Variants in EGFL7 observed in about 807,000 individuals in gnomAD.
EGFL7 encodes the protein EGF like domain multiple 7, also known as epidermal growth factor-like protein 7.
EGFL7 carries 48 observed loss-of-function variants against 37.1 expected under a neutral mutation model. The observed-to-expected ratio is 1.29, with a 90% confidence interval of 1.03 to 1.65. EGFL7 has a LOEUF of 1.65. Ranked by LOEUF, EGFL7 falls within the 40% of genes most tolerant of loss-of-function variation. The pLI, the probability that EGFL7 is intolerant of heterozygous loss-of-function variation, is 0.00. For synonymous variants in EGFL7, 180 were observed against 156.8 expected (o/e 1.15, Z -1.10); for missense variants, 384 against 378.9 (o/e 1.01, Z -0.11).
chr9:136,669,028 A>G (rs1249147586), intron 5 of EGFL7, among the ~76,000 whole-genome samples: 1 of 152,022 alleles, frequency 6.6e-6, no homozygotes, highest in African/African-American at 2.4e-5. Context: ...ATATACACAG[A>G]ATGGTGCCTG....
intron 3 of EGFL7, among the ~76,000 whole-genome samples, chr9:136,665,570 C>G (rs1485333987): frequency 6.6e-6 from 1 of 152,100 alleles, no homozygotes; most frequent in African/African-American, 2.4e-5. Context: ...CCAGGATTCC[C>G]GGAGGGGGTG....
At chr9:136,670,034 G>A (rs1554752409) in intron 7 of EGFL7, 25 bp downstream of exon 7, 21 of 1,586,008 alleles carry the variant, frequency 1.3e-5, no homozygotes, top group East Asian at 2.2e-5. Context: ...ACCCTGGGGG[G>A]CCCTGGAAGG....
chr9:136,672,403 C>G lies in EGFL7; in HGVS notation c.*117C>G, dbSNP rs1274822005. ...CGGGGTGACTGAGCGGAAGGCCAGG[C>G]AGGGCCTTCCTCCTCTTCCTCCTCC... On this transcript the variant is annotated 3_prime_UTR_variant, in exon 11 of 11. Transcript: ENST00000308874. The G allele has an allele frequency of 6.3e-6, 8 of 1,277,542 alleles. No individual in the cohort carries two copies. The African/African-American group carries it at 8.8e-5, about 14-fold the overall frequency. 79.1% of individuals were successfully genotyped at this position (1,277,542 alleles called of 1,614,324 possible). A position where few individuals can be genotyped will look rare whatever the true frequency, so the allele number is the denominator to read the frequency against.
At chr9:136,664,446 C>T (rs1420813214) in intron 2 of EGFL7, among the ~76,000 whole-genome samples, 1 of 152,094 alleles carries the variant, frequency 6.6e-6, no homozygotes, top group African/African-American at 2.4e-5. Context: ...CATCCCCATG[C>T]CAGGGAGTCC....
intron 3 of EGFL7, among the ~76,000 whole-genome samples, chr9:136,665,513 G>T (rs1333663311): frequency 2.6e-5 from 4 of 152,302 alleles, no homozygotes; most frequent in Non-Finnish European, 4.4e-5. Context: ...TTGGTCGTGC[G>T]TCCCCAGCGA....
At chr9:136,661,293 C>T (rs1350083931), upstream of EGFL7, among the ~76,000 whole-genome samples, 3 of 152,128 alleles carry the variant, frequency 2.0e-5, no homozygotes, top group African/African-American at 7.2e-5. Flanking sequence ...CTGCAACCCC[C>T]TCCTGACAGC....
chr9:136,672,670 G>A lies in EGFL7; in HGVS notation c.*384G>A, dbSNP rs2119170416. 1 of 315,678 alleles carries A rather than the reference G, an allele frequency of 3.2e-6. No homozygotes were observed. The highest frequency in any genetic ancestry group is 5.8e-5 in the East Asian group (1 of 17,384). The allele number at this position is 315,678 out of a possible 1,614,324, so 19.6% of individuals were successfully genotyped here. Reference sequence around the variant, plus strand: ...GCCTGACCCCCAGCACAATAAAAATGAAACGTGAGCTGCTGTGTCAGTGGA... The same window carrying A: ...GCCTGACCCCCAGCACAATAAAAATAAAACGTGAGCTGCTGTGTCAGTGGA... On this transcript the variant is annotated 3_prime_UTR_variant, in exon 11 of 11. Transcript: ENST00000308874.
upstream of EGFL7, chr9:136,660,536 G>GC (rs1207298431): frequency 1.3e-5 from 2 of 152,512 alleles, no homozygotes; most frequent in Non-Finnish European, 2.9e-5. Context: ...GCGGTGCCCA[G>GC]CCCCCCAGGC....
chr9:136,669,609 C>T lies in EGFL7; in HGVS notation c.201C>T (p.Thr67=). The T allele has an allele frequency of 6.2e-7, 1 of 1,609,970 alleles. No homozygotes were observed. Among genetic ancestry groups the T allele is most frequent in the Non-Finnish European group, 8.5e-7 (1 of 1,178,536 alleles). Reference sequence around the variant, plus strand: ...AGCTGTCCCACCCACCCCACAGAACCATCTATAGGACCGCCTACCGCCGCA... The same window carrying T: ...AGCTGTCCCACCCACCCCACAGAACTATCTATAGGACCGCCTACCGCCGCA... ...DGHRACSTYR[T]IYRTAYRRSP... The change falls in exon 6 of 11, where the codon ACC becomes ACT. Residue 67 remains threonine (T), a synonymous_variant. Transcript: ENST00000308874.
intron 3 of EGFL7, among the ~76,000 whole-genome samples, chr9:136,667,034 C>T (rs560935176): frequency 6.6e-6 from 1 of 152,266 alleles, no homozygotes; most frequent in African/African-American, 2.4e-5. Flanking sequence ...CAGGAAGGAC[C>T]CCCAGCCACC....
upstream of EGFL7, chr9:136,660,219 C>T (rs1389858510): frequency 2.0e-5 from 3 of 152,442 alleles, no homozygotes; most frequent in Non-Finnish European, 4.4e-5. Context: ...CCAGTACCCT[C>T]TGGCGTCCAA....
chr9:136,672,242 C>A (rs1464999476), intron 10 of EGFL7, 22 bp from the exon 11 acceptor site: 12 of 1,613,282 alleles, frequency 7.4e-6, no homozygotes, highest in Non-Finnish European at 9.3e-6. Context: ...TGATCTCTGA[C>A]CTTCGCCTCA....
At position 136,672,414 on chromosome 9, in the gene EGFL7, T is replaced by C; in HGVS notation, c.*128T>C. 3 of 1,085,110 alleles carry C rather than the reference T, an allele frequency of 2.8e-6. No homozygotes were observed. The Admixed American group carries it at 6.1e-5, about 22-fold the overall frequency. The allele number at this position is 1,085,110 out of a possible 1,614,324, so 67.2% of individuals were successfully genotyped here. ...AGCGGAAGGCCAGGCAGGGCCTTCC[T>C]CCTCTTCCTCCTCCCCTTCCTCGGG... is the stretch of plus-strand genomic sequence containing the variant. On this transcript the variant is annotated 3_prime_UTR_variant, in exon 11 of 11. Coordinates refer to ENST00000308874, the MANE Select transcript of EGFL7 (RefSeq NM_016215.5).
Position 136,672,378 on chromosome 9 carries a change from C to T in EGFL7, c.*92C>T, listed in dbSNP as rs750500312. The T allele has an allele frequency of 3.5e-5, 53 of 1,535,940 alleles. No individual in the cohort carries two copies. Among genetic ancestry groups the T allele is most frequent in the East Asian group, 9.0e-5 (4 of 44,288 alleles). On this transcript the variant is annotated 3_prime_UTR_variant, in exon 11 of 11. Coordinates refer to ENST00000308874, the MANE Select transcript of EGFL7 (RefSeq NM_016215.5). ...CATGCTGGGGGTCCAGAAACCACCT[C>T]GGGGTGACTGAGCGGAAGGCCAGGC...
chr9:136,667,999 C>G (rs1042003895), intron 3 of EGFL7, among the ~76,000 whole-genome samples: 1 of 152,194 alleles, frequency 6.6e-6, no homozygotes, highest in African/African-American at 2.4e-5. Context: ...ACCAAGAGCT[C>G]TGGACAGCGT....
chr9:136,670,814 G>A (rs970139144), intron 8 of EGFL7, 136 bp from the exon 9 acceptor site: 13 of 866,166 alleles, frequency 1.5e-5, no homozygotes, highest in African/African-American at 5.1e-5. Context: ...TCTGGCCAGC[G>A]CCAGGCAGGC....
upstream of EGFL7, among the ~76,000 whole-genome samples, chr9:136,659,839 A>T (rs1250108714): frequency 6.6e-6 from 1 of 152,172 alleles, no homozygotes; most frequent in African/African-American, 2.4e-5. Context: ...CCTGGGCTCC[A>T]GACCTTCCAG....
At position 136,672,106 on chromosome 9, in the gene EGFL7, C is replaced by A. The variant is rs1845950288; in HGVS notation, c.799+18C>A. ...GGGGTCCTGTGAGTGCCCCCACCCT[C>A]CAGAGCCCTCCTCCCGGGTCTGGGC... On this transcript the variant is annotated intron_variant, in intron 10 of 10. Transcript: ENST00000308874. 1.9e-6 allele frequency: 3 copies of A among 1,547,648 alleles called. No individual in the cohort carries two copies. Among genetic ancestry groups the A allele is most frequent in the Non-Finnish European group, 2.6e-6 (3 of 1,145,966 alleles).
chr9:136,661,120 C>G (rs1845118630), upstream of EGFL7, among the ~76,000 whole-genome samples: 1 of 152,178 alleles, frequency 6.6e-6, no homozygotes, highest in South Asian at 2.1e-4. Flanking sequence ...GCACGAGTTG[C>G]TAAGGCTTGG....
Sources: allele counts gnomAD v4.1 joint callset (sites outside exome capture counted in the v4.1 genomes callset), GRCh38; gene constraint gnomAD v4.1.1; transcripts MANE v1.5; gene names NCBI Gene and HGNC (gene_info 2026-07-23, HGNC 2026-07-21).